The following TRMT2A variants were observed in gnomAD, a reference collection of about 807,000 sequenced individuals.
TRMT2A encodes tRNA (uracil-5-)-methyltransferase homolog A.
In TRMT2A, 60 loss-of-function variants were observed where a neutral mutation model predicts 59.3. The ratio of observed to expected loss-of-function variants is 1.01; its 90% CI spans 0.82 to 1.26. The LOEUF (loss-of-function observed/expected upper bound fraction) is 1.26, where lower values mean the gene tolerates loss of function less well. Among genes scored for constraint, TRMT2A ranks in the 50% most tolerant of loss-of-function variants. The pLI is 0.00. For missense variants in TRMT2A, 863 were observed against 845.2 expected (o/e 1.02, Z -0.26); for synonymous variants, 403 against 353.7 (o/e 1.14, Z -1.56).
chr22:20,113,196 C>T lies in TRMT2A; in HGVS notation c.1471G>A (p.Asp491Asn), dbSNP rs992573961. The T allele has an allele frequency of 2.5e-6, 4 of 1,585,494 alleles. No individual in the cohort carries two copies. The African/African-American group carries it at 5.4e-5, about 21-fold the overall frequency. ...NVEFHCGRAE[D>N]LVPTLVSRLA... ...CTGCTCACCAGGGTGGGCACCAGGT[C>T]CTCGGCCCTCCCGCAGTGGAACTCC... is the stretch of plus-strand genomic sequence containing the variant. The change falls in exon 10 of 12, where the codon GAC becomes AAC. Residue 491 changes from aspartate to asparagine, a missense_variant. Physicochemically the swap from Asp to Asn is conservative, Grantham distance 23 (BLOSUM62 1). Coordinates refer to ENST00000252136, the MANE Select transcript of TRMT2A (RefSeq NM_022727.6).
At chr22:20,113,373 T>C (rs1602509107) in intron 9 of TRMT2A, 59 bp downstream of exon 9, 1 of 1,571,580 alleles carries the variant, frequency 6.4e-7, no homozygotes, top group South Asian at 1.2e-5. Flanking sequence ...TGGCTGAGGC[T>C]TGCAGCAGGG....
At position 20,116,607 on chromosome 22, in the gene TRMT2A, C is replaced by T. The variant is rs370153967; in HGVS notation, c.30G>A (p.Pro10=). 1.4e-5 allele frequency: 22 copies of T among 1,537,988 alleles called. No individual in the cohort carries two copies. The highest frequency in any genetic ancestry group is 1.4e-4 in the South Asian group (11 of 81,206). Residue 10 remains proline (P), a synonymous_variant, in exon 2 of 12, where the codon CCG becomes CCA. Transcript: ENST00000252136. MSENLDNEG[P]KPMESCGQES... ...CCTGGCCACAGCTCTCCATGGGCTT[C>T]GGGCCCTGTGTGGGGACAGATGGGG...
At chr22:20,116,782 G>A in intron 1 of TRMT2A, 101 bp downstream of exon 1, 3 of 1,340,612 alleles carry the variant, frequency 2.2e-6, no homozygotes, top group Middle Eastern at 1.9e-4. Context: ...CTCCCCTATC[G>A]CACCTGCCTC....
intron 1 of TRMT2A, 76 bp from the exon 2 acceptor site, chr22:20,116,688 C>A: frequency 6.8e-7 from 1 of 1,481,108 alleles, no homozygotes; most frequent in Non-Finnish European, 9.0e-7. Flanking sequence ...CCTTATGGGA[C>A]ACCCAGACCT....
chr22:20,114,829 C>T lies in TRMT2A; in HGVS notation c.1053G>A (p.Gln351=). The stretch of plus-strand genomic sequence containing the variant: ...CCCTGCCTGGCCCTGCTGTGAAGTG[C>T]TGCGCTAGGGAGGTCTTCAGCTCTG... ...ELAELKTSLA[Q]HFTAGPGRAS... Residue 351 remains glutamine (Q), a synonymous_variant, in exon 6 of 12, where the codon CAG becomes CAA. Transcript: ENST00000252136. The T allele has an allele frequency of 6.2e-7, 1 of 1,607,832 alleles. No individual in the cohort carries two copies. Among genetic ancestry groups the T allele is most frequent in the Non-Finnish European group, 8.5e-7 (1 of 1,178,364 alleles).
rs2050028531 is a variant in TRMT2A at position 20,116,569 on chromosome 22, G to A, written c.68C>T (p.Ala23Val). The A allele has an allele frequency of 1.1e-5, 18 of 1,576,978 alleles. No individual in the cohort carries two copies. The highest frequency in any genetic ancestry group is 1.4e-5 in the Non-Finnish European group (16 of 1,166,256). ...CACCGAGACGGTAGGGCAGCTCAGGGCACTGCTGCTCTCCTGGCCACAGCT... is the reference window on the plus strand; with the variant it reads ...CACCGAGACGGTAGGGCAGCTCAGGACACTGCTGCTCTCCTGGCCACAGCT... ...MESCGQESSS[A>V]LSCPTVSVPP... The change falls in exon 2 of 12, where the codon GCC becomes GTC. Residue 23 changes from alanine to valine, a missense_variant. Physicochemically the swap from Ala to Val is moderately conservative, Grantham distance 64. Transcript: ENST00000252136.
chr22:20,115,822 C>A, intron 2 of TRMT2A, 42 bp from the exon 3 acceptor site: 1 of 1,567,484 alleles, frequency 6.4e-7, no homozygotes, highest in Non-Finnish European at 8.7e-7. Flanking sequence ...CACCTACTGC[C>A]CCCGACCCAT....
Position 20,113,415 on chromosome 22 carries a change from A to AC in TRMT2A, c.1432+16dup. On this transcript the variant is annotated intron_variant, in intron 9 of 11. Coordinates refer to ENST00000252136, the MANE Select transcript of TRMT2A (RefSeq NM_022727.6). ...GCTGCCCCCATCCCCACCCCCACCC[A>AC]CGGCCTTGCCACTCACCATTGTCCT... The AC allele has an allele frequency of 3.0e-6, 2 of 672,702 alleles. No individual in the cohort carries two copies. Among genetic ancestry groups the AC allele is most frequent in the Non-Finnish European group, 4.9e-6 (2 of 408,924 alleles). 41.7% of individuals were successfully genotyped at this position (672,702 alleles called of 1,614,324 possible).
chr22:20,116,385 G>C lies in TRMT2A; in HGVS notation c.252C>G (p.Ala84=), dbSNP rs766060176. ...GGAAGCGCCGGACGTCGCTGAAGCTGGCGTGGCGAGGCACGTTCTGCAGCT... is the reference window on the plus strand; with the variant it reads ...GGAAGCGCCGGACGTCGCTGAAGCTCGCGTGGCGAGGCACGTTCTGCAGCT... The part of the protein sequence containing the change: ...KLELQNVPRH[A]SFSDVRRFLG... Residue 84 remains alanine (A), a synonymous_variant, in exon 2 of 12, where the codon GCC becomes GCG. Coordinates refer to ENST00000252136, the MANE Select transcript of TRMT2A (RefSeq NM_022727.6). The C allele has an allele frequency of 6.2e-7, 1 of 1,612,024 alleles. No individual in the cohort carries two copies.
In TRMT2A at chr22:20,113,110, CCACT is replaced by C; in HGVS notation, c.1549+4_1549+7del. Reference sequence around the variant, plus strand: ...CCCGTGCCACCTCCTTAAGCAAAAGCCACTCACGCAAGCCAGCACGGGGTGGGTC... The same window carrying C: ...CCCGTGCCACCTCCTTAAGCAAAAGCCACGCAAGCCAGCACGGGGTGGGTC... On this transcript the variant is annotated splice_donor_5th_base_variant and intron_variant, in intron 10 of 11. Transcript: ENST00000252136. 2 of 1,606,726 alleles carry C rather than the reference CCACT, an allele frequency of 1.2e-6. No homozygotes were observed. Among genetic ancestry groups the C allele is most frequent in the Non-Finnish European group, 8.5e-7 (1 of 1,175,422 alleles).
chr22:20,113,071 C>A (rs375214125), intron 10 of TRMT2A, 47 bp downstream of exon 10: 25 of 1,611,292 alleles, frequency 1.6e-5, no homozygotes, highest in African/African-American at 6.7e-5. Context: ...TGAGCCACCC[C>A]ATGTGTCCTC....
chr22:20,113,324 A>G, intron 9 of TRMT2A, 90 bp from the exon 10 acceptor site: 9 of 1,508,848 alleles, frequency 6.0e-6, no homozygotes, highest in Non-Finnish European at 8.0e-6. Flanking sequence ...GAGCTTGCTC[A>G]CTTGCTCTAC....
At chr22:20,114,217 C>T (rs778209414) in intron 7 of TRMT2A, among the ~76,000 whole-genome samples, 18 of 152,190 alleles carry the variant, frequency 1.2e-4, no homozygotes, top group Non-Finnish European at 1.9e-4. Context: ...CAAAAACGGC[C>T]GCTCCAGGTC....
At chr22:20,114,402 C>T (rs886699898) in intron 7 of TRMT2A, among the ~76,000 whole-genome samples, 172 bp downstream of exon 7, 1 of 152,234 alleles carries the variant, frequency 6.6e-6, no homozygotes, top group African/African-American at 2.4e-5. Flanking sequence ...TAGGTTATCC[C>T]GAGTCAAATC....
At position 20,116,692 on chromosome 22, in the gene TRMT2A, CAG is replaced by C. The variant is rs1490458474; in HGVS notation, c.25-82_25-81del. ...CCCCCAAGCTTCCTTATGGGACACC[CAG>C]ACCTCCGTCGGTGCACTCTGCACTC... On this transcript the variant is annotated intron_variant, in intron 1 of 11. Transcript: ENST00000252136. 3 of 1,479,446 alleles carry C rather than the reference CAG, an allele frequency of 2.0e-6. No individual in the cohort carries two copies. The African/African-American group carries it at 4.2e-5, about 21-fold the overall frequency. 91.6% of individuals were successfully genotyped at this position (1,479,446 alleles called of 1,614,324 possible).
At position 20,112,633 on chromosome 22, in the gene TRMT2A, G is replaced by C. The variant is rs776890231; in HGVS notation, c.1808C>G (p.Pro603Arg). 2.5e-6 allele frequency: 4 copies of C among 1,614,142 alleles called. No individual in the cohort carries two copies. Among genetic ancestry groups the C allele is most frequent in the Non-Finnish European group, 3.4e-6 (4 of 1,180,030 alleles). The change falls in exon 12 of 12, where the codon CCT (proline) becomes CGT (arginine). Residue 603 changes from proline to arginine, a missense_variant. Physicochemically the swap from Pro to Arg is moderately radical, Grantham distance 103. Transcript: ENST00000252136. ...NGTGVLGPHS[P>R]PAQPTPGPPD... ...GGGTCCTGGTGTGGGTTGAGCTGGA[G>C]GGCTGTGGGGCCCCAAGACCCCTGT...
chr22:20,116,098 T>A lies in TRMT2A; in HGVS notation c.539A>T (p.Tyr180Phe), dbSNP rs1430159575. 1 of 1,605,542 alleles carries A rather than the reference T, an allele frequency of 6.2e-7. No homozygotes were observed. The highest frequency in any genetic ancestry group is 1.3e-5 in the African/African-American group (1 of 74,838). Residue 180 changes from tyrosine to phenylalanine, a missense_variant, in exon 2 of 12, where the codon TAT becomes TTT. Tyr to Phe is a conservative substitution (Grantham distance 22, BLOSUM62 3). Coordinates refer to ENST00000252136, the MANE Select transcript of TRMT2A (RefSeq NM_022727.6). Reference protein sequence around the residue: ...DVVTPLWTVPYAEQLERKQLE... With the variant: ...DVVTPLWTVPFAEQLERKQLE... ...CTGCTTCCGCTCAAGCTGCTCAGCA[T>A]AGGGCACTGTCCATAGAGGGGTCAC... is the stretch of plus-strand genomic sequence containing the variant.
In TRMT2A at chr22:20,117,196, A is replaced by T. The variant is rs2050054664; in HGVS notation, c.-290T>A. 1.8e-6 allele frequency: 1 copy of T among 540,760 alleles called. No individual in the cohort carries two copies. The highest frequency in any genetic ancestry group is 3.1e-6 in the Non-Finnish European group (1 of 326,212). 33.5% of individuals were successfully genotyped at this position (540,760 alleles called of 1,614,324 possible). On this transcript the variant is annotated 5_prime_UTR_variant, in exon 1 of 12. Transcript: ENST00000252136. ...CTTCGCCAGCCACTCTTAGTCCGCC[A>T]GCGCGTGCGGCGGAGGCCGAGCGTC...
Position 20,112,420 on chromosome 22 carries a change from G to A in TRMT2A, c.*143C>T. 1.8e-6 allele frequency: 2 copies of A among 1,139,842 alleles called. No individual in the cohort carries two copies. The highest frequency in any genetic ancestry group is 1.7e-5 in the South Asian group (1 of 59,732). The allele number at this position is 1,139,842 out of a possible 1,614,324, so 70.6% of individuals were successfully genotyped here. ...TCCTGGTCAGGGCCCCTGGCCCCTA[G>A]CAGCAGGCCAATCCTGGTGGGGCAC... On this transcript the variant is annotated 3_prime_UTR_variant, in exon 12 of 12. Transcript: ENST00000252136.
Sources: allele counts gnomAD v4.1 joint callset (sites outside exome capture counted in the v4.1 genomes callset), GRCh38; gene constraint gnomAD v4.1.1; transcripts MANE v1.5; gene names NCBI Gene and HGNC (gene_info 2026-07-23, HGNC 2026-07-21).